NRGN: variants seen among roughly 807,000 people sequenced by gnomAD.
NRGN encodes calmodulin-binding protein.
For synonymous variants in NRGN, 47 were observed against 52.8 expected, an observed-to-expected ratio of 0.89 and a Z score of 0.47; for missense variants, 82 against 123.0, an observed-to-expected ratio of 0.67 and a Z score of 1.58.
intron 1 of NRGN, chr11:124,744,658 T>G (rs559175687): frequency 2.0e-5 from 3 of 152,334 alleles, no homozygotes; most frequent in Admixed American, 6.5e-5. Flanking sequence ...AGCTTTATTT[T>G]GGGGGACTAA....
chr11:124,741,818 T>A (rs1341011752), intron 1 of NRGN, among the ~76,000 whole-genome samples: 1 of 152,018 alleles, frequency 6.6e-6, no homozygotes, highest in Non-Finnish European at 1.5e-5. Context: ...CTCCTCTGTG[T>A]CTGCAGTAGT....
At chr11:124,744,786 C>A (rs1355022069) in intron 1 of NRGN, 2 of 152,194 alleles carry the variant, frequency 1.3e-5, no homozygotes, top group Non-Finnish European at 2.9e-5. Flanking sequence ...GGGCTTCTTG[C>A]TCCTGCAGGT....
At position 124,740,697 on chromosome 11, in the gene NRGN, A is replaced by T. The variant is rs1388162841; in HGVS notation, c.15+598A>T. 6.6e-6 allele frequency among the ~76,000 whole-genome samples: 1 copy of T among 152,210 alleles called. No individual in the cohort carries two copies. Among genetic ancestry groups the T allele is most frequent in the Non-Finnish European group, 1.5e-5 (1 of 68,026 alleles). ...TTCTCGCTCGGAAGGGGCTGGGTGA[A>T]GTGACCGCGAGAGAGCCCTGCTGGC... is the stretch of plus-strand genomic sequence containing the variant. On this transcript the variant is annotated intron_variant, in intron 1 of 3. Coordinates refer to ENST00000284292, the MANE Select transcript of NRGN (RefSeq NM_006176.3). This position sits in a 1 kb window ranked among gnomAD's most constrained non-coding sequence, Gnocchi z 7.5.
At position 124,745,864 on chromosome 11, in the gene NRGN, T is replaced by G; in HGVS notation, c.*6-101T>G. ...AGGGTTGGGGGATAGAAATCCGAGA[T>G]GGGAGGTGGGTGGGAAGAGGCTGAA... On this transcript the variant is annotated intron_variant, in intron 2 of 3. Coordinates refer to ENST00000284292, the MANE Select transcript of NRGN (RefSeq NM_006176.3). The surrounding 1 kb of genome is among the most constrained non-coding windows in gnomAD (Gnocchi z 6.4). 1 of 413,590 alleles carries G rather than the reference T, an allele frequency of 2.4e-6. No individual in the cohort carries two copies. 25.6% of individuals were successfully genotyped at this position (413,590 alleles called of 1,614,324 possible). A position where few individuals can be genotyped will look rare whatever the true frequency, so the allele number is the denominator to read the frequency against.
At chr11:124,741,514 A>C (rs1347311392) in intron 1 of NRGN, among the ~76,000 whole-genome samples, 1 of 152,072 alleles carries the variant, frequency 6.6e-6, no homozygotes. Context: ...ATCTCCTTCC[A>C]GCCTTTTCCC....
chr11:124,740,178 A>C lies in NRGN; in HGVS notation c.15+79A>C. On this transcript the variant is annotated intron_variant, in intron 1 of 3. Transcript: ENST00000284292. This position sits in a 1 kb window ranked among gnomAD's most constrained non-coding sequence, Gnocchi z 7.5. ...GCCTGAGAAAGCCCTGGAGGGCGAG[A>C]GAGGGATGGAAGTGGATGCGGAAGA... 1 of 1,073,954 alleles carries C rather than the reference A, an allele frequency of 9.3e-7. No homozygotes were observed. The highest frequency in any genetic ancestry group is 2.3e-4 in the Middle Eastern group (1 of 4,408). 66.5% of individuals were successfully genotyped at this position (1,073,954 alleles called of 1,614,324 possible). A position where few individuals can be genotyped will look rare whatever the true frequency, so the allele number is the denominator to read the frequency against.
chr11:124,746,262 C>A (rs556627252), intron 3 of NRGN, 142 bp from the exon 4 acceptor site: 2 of 152,628 alleles, frequency 1.3e-5, no homozygotes, highest in African/African-American at 4.8e-5. Context: ...CATTTCAGCG[C>A]TTTGACTCGG....
At position 124,740,128 on chromosome 11, in the gene NRGN, C is replaced by T. The variant is rs560602717; in HGVS notation, c.15+29C>T. On this transcript the variant is annotated intron_variant, in intron 1 of 3. Transcript: ENST00000284292. The surrounding 1 kb of genome is among the most constrained non-coding windows in gnomAD (Gnocchi z 7.5). ...AGTTAGAGGGCCCGGGGGAGGGGCA[C>T]TTGGCGGGGTCCGCTGCGAGAGGCG... The T allele has an allele frequency of 3.6e-5, 48 of 1,324,004 alleles. No individual in the cohort carries two copies. The highest frequency in any genetic ancestry group is 4.4e-5 in the Non-Finnish European group (45 of 1,028,490). 82.0% of individuals were successfully genotyped at this position (1,324,004 alleles called of 1,614,324 possible). A position where few individuals can be genotyped will look rare whatever the true frequency, so the allele number is the denominator to read the frequency against.
Position 124,745,440 on chromosome 11 carries a change from C to A in NRGN, c.16-63C>A. 7.7e-7 allele frequency: 1 copy of A among 1,306,162 alleles called. No homozygotes were observed. Among genetic ancestry groups the A allele is most frequent in the Non-Finnish European group, 1.0e-6 (1 of 959,230 alleles). 80.9% of individuals were successfully genotyped at this position (1,306,162 alleles called of 1,614,324 possible). On this transcript the variant is annotated intron_variant, in intron 1 of 3. Transcript: ENST00000284292. The surrounding 1 kb of genome is among the most constrained non-coding windows in gnomAD (Gnocchi z 6.4). ...GTCCCTGTCCCTCAGGGCTCTATTC[C>A]TACCCCACTCCCGCGGATCAAGACC...
chr11:124,741,704 A>T (rs897233413), intron 1 of NRGN, among the ~76,000 whole-genome samples: 1 of 151,826 alleles, frequency 6.6e-6, no homozygotes, highest in Non-Finnish European at 1.5e-5. Flanking sequence ...AGAGGTGAGG[A>T]TGACAGGGGA....
chr11:124,740,209 G>A lies in NRGN; in HGVS notation c.15+110G>A. 4.8e-6 allele frequency: 4 copies of A among 840,558 alleles called. No individual in the cohort carries two copies. Among genetic ancestry groups the A allele is most frequent in the South Asian group, 5.0e-5 (1 of 20,088 alleles). 52.1% of individuals were successfully genotyped at this position (840,558 alleles called of 1,614,324 possible). On this transcript the variant is annotated intron_variant, in intron 1 of 3. Coordinates refer to ENST00000284292, the MANE Select transcript of NRGN (RefSeq NM_006176.3). The surrounding 1 kb of genome is among the most constrained non-coding windows in gnomAD (Gnocchi z 7.5). ...ATGGAAGTGGATGCGGAAGACCTAG[G>A]AGCAGAAAGAAAAGGGGTCCTTGCC...
At chr11:124,742,973 C>T (rs1238278349) in intron 1 of NRGN, among the ~76,000 whole-genome samples, 1 of 152,218 alleles carries the variant, frequency 6.6e-6, no homozygotes, top group Non-Finnish European at 1.5e-5. Flanking sequence ...CTCCTCCTCC[C>T]TCCCAGAAGT....
intron 1 of NRGN, among the ~76,000 whole-genome samples, chr11:124,741,001 G>A (rs1184008942): frequency 2.6e-5 from 4 of 152,222 alleles, no homozygotes; most frequent in African/African-American, 9.7e-5. Context: ...CGAGGTTACT[G>A]ACTTTGCCAC....
rs546993012 is a variant in NRGN at position 124,740,870 on chromosome 11, A to G, written c.15+771A>G. Reference sequence around the variant, plus strand: ...GGCTCCTGCCTCACTGGAAGAGTACAGTGATCATACGTATATGAAATTTAT... The same window carrying G: ...GGCTCCTGCCTCACTGGAAGAGTACGGTGATCATACGTATATGAAATTTAT... On this transcript the variant is annotated intron_variant, in intron 1 of 3. Transcript: ENST00000284292. This position sits in a 1 kb window ranked among gnomAD's most constrained non-coding sequence, Gnocchi z 7.5. Among the ~76,000 whole-genome samples, 1 of 152,384 alleles carries G rather than the reference A, an allele frequency of 6.6e-6. No individual in the cohort carries two copies. The highest frequency in any genetic ancestry group is 2.4e-5 in the African/African-American group (1 of 41,596).
chr11:124,740,504 G>T lies in NRGN; in HGVS notation c.15+405G>T, dbSNP rs150123457. Among the ~76,000 whole-genome samples, 1 of 152,358 alleles carries T rather than the reference G, an allele frequency of 6.6e-6. No homozygotes were observed. Among genetic ancestry groups the T allele is most frequent in the Non-Finnish European group, 1.5e-5 (1 of 68,022 alleles). On this transcript the variant is annotated intron_variant, in intron 1 of 3. Coordinates refer to ENST00000284292, the MANE Select transcript of NRGN (RefSeq NM_006176.3). This position sits in a 1 kb window ranked among gnomAD's most constrained non-coding sequence, Gnocchi z 7.5. ...CCCCCACCCCGTTCCCCATCCCACTGCGCCGCCGTCGGTGGGCGGACAGGC... is the reference window on the plus strand; with the variant it reads ...CCCCCACCCCGTTCCCCATCCCACTTCGCCGCCGTCGGTGGGCGGACAGGC...
Position 124,746,408 on chromosome 11 carries a change from C to CGAGGA in NRGN, c.*32_*36dup, listed in dbSNP as rs1483645943. Reference sequence around the variant, plus strand: ...TCAGACCTTTTCTCTCCTCAGTTCCCGAGGAGAGATGGATGCCGCGTCCCC... The same window carrying CGAGGA: ...TCAGACCTTTTCTCTCCTCAGTTCCCGAGGAGAGGAGAGATGGATGCCGCGTCCCC... On this transcript the variant is annotated 3_prime_UTR_variant, in exon 4 of 4. Transcript: ENST00000284292. The CGAGGA allele has an allele frequency of 2.0e-5, 3 of 152,560 alleles. No individual in the cohort carries two copies. Among genetic ancestry groups the CGAGGA allele is most frequent in the Non-Finnish European group, 4.4e-5 (3 of 68,032 alleles). The allele number at this position is 152,560 out of a possible 1,614,324, so 9.5% of individuals were successfully genotyped here. A position where few individuals can be genotyped will look rare whatever the true frequency, so the allele number is the denominator to read the frequency against.
Position 124,745,497 on chromosome 11 carries a change from C to A in NRGN, c.16-6C>A. The A allele has an allele frequency of 6.3e-7, 1 of 1,578,522 alleles. No individual in the cohort carries two copies. The highest frequency in any genetic ancestry group is 8.6e-7 in the Non-Finnish European group (1 of 1,164,226). On this transcript the variant is annotated splice_region_variant and splice_polypyrimidine_tract_variant and intron_variant, in intron 1 of 3. Coordinates refer to ENST00000284292, the MANE Select transcript of NRGN (RefSeq NM_006176.3). This position sits in a 1 kb window ranked among gnomAD's most constrained non-coding sequence, Gnocchi z 6.4. ...CCCCACAAGAACCCCCCTGCTTCGC[C>A]CCCAGGAGAACGCCTGCTCCAAGCC...
In NRGN at chr11:124,739,947, G is replaced by C. The variant is rs921862290; in HGVS notation, c.-138G>C. 1.8e-5 allele frequency: 8 copies of C among 438,294 alleles called. No homozygotes were observed. The highest frequency in any genetic ancestry group is 2.8e-5 in the Non-Finnish European group (7 of 246,798). 27.2% of individuals were successfully genotyped at this position (438,294 alleles called of 1,614,324 possible). A position where few individuals can be genotyped will look rare whatever the true frequency, so the allele number is the denominator to read the frequency against. On this transcript the variant is annotated 5_prime_UTR_variant, in exon 1 of 4. Transcript: ENST00000284292. The stretch of plus-strand genomic sequence containing the variant: ...CGAGCGGAGCCGAGCGCGGGAGACC[G>C]GACCCGAGAGCAGAGCTGCTGTTTC...
intron 1 of NRGN, among the ~76,000 whole-genome samples, chr11:124,741,914 T>C (rs1943969180): frequency 6.6e-6 from 1 of 152,154 alleles, no homozygotes; most frequent in Admixed American, 6.5e-5. Context: ...GTAGACATGG[T>C]TGAAGTCAGT....
Sources: gnomAD v4.1 joint callset for allele counts (sites outside exome capture counted in the v4.1 genomes callset) on GRCh38, gnomAD v4.1.1 for gene constraint, Gnocchi (gnomAD v3.1) non-coding constraint, MANE v1.5 for transcripts, NCBI Gene and HGNC (gene_info 2026-07-23, HGNC 2026-07-21) for gene names.